The following TIAM2 variants were observed in gnomAD, a reference collection of about 807,000 sequenced individuals.
The protein encoded by TIAM2 is rho guanine nucleotide exchange factor TIAM2.
In TIAM2, 80 loss-of-function variants were observed where a neutral mutation model predicts 152.9. The ratio of observed to expected loss-of-function variants is 0.52; its 90% CI spans 0.44 to 0.63. The LOEUF (loss-of-function observed/expected upper bound fraction) is 0.63. Ranked by LOEUF, TIAM2 falls within the 30% of genes least tolerant of loss-of-function variation. TIAM2 has a pLI of 0.00. For synonymous variants in TIAM2, 804 were observed against 838.0 expected, an observed-to-expected ratio of 0.96 and a Z score of 0.70; for missense variants, 1,965 against 2,120.1, an observed-to-expected ratio of 0.93 and a Z score of 1.44.
intron 5 of TIAM2, among the ~76,000 whole-genome samples, chr6:155,138,869 A>T (rs1342873017): frequency 6.6e-6 from 1 of 152,160 alleles, no homozygotes; most frequent in Non-Finnish European, 1.5e-5. Flanking sequence ...TTTAAACATA[A>T]AGGCAATAGA....
intron 2 of TIAM2, among the ~76,000 whole-genome samples, chr6:155,110,599 G>T (rs1212543280): frequency 1.3e-5 from 2 of 152,048 alleles, no homozygotes; most frequent in Non-Finnish European, 2.9e-5. Flanking sequence ...TCTCTTCCTG[G>T]TTCAGTCTTA....
rs116268446 is a variant in TIAM2, at chr6:155,256,583, T to A, written c.4568T>A (p.Leu1523Ter). Residue 1523 changes from leucine to a stop codon, truncating the protein, a stop_gained, in exon 27 of 27, where the codon TTG (leucine) becomes TAG (stop). Transcript: ENST00000682666. LOFTEE classifies it low-confidence loss of function (END_TRUNC). ...TTGCTGGACTCTGACGAGGGCAGCT[T>A]GAGCAGCGGCACCCAGAGCAGCGGC... ...GTLLDSDEGSLSSGTQSSGCP... is the reference protein window; with the variant it reads ...GTLLDSDEGS The A allele has an allele frequency of 0.01, 16,797 of 1,614,118 alleles. 302 individuals carry two copies. Among genetic ancestry groups the A allele is most frequent in the African/African-American group, 0.051 (3,833 of 75,002 alleles).
chr6:155,039,047 ACCTACCAGACTCAGGTGATCCT>A (rs539316270), intron 1 of TIAM2, among the ~76,000 whole-genome samples: 22 of 144,728 alleles, frequency 1.5e-4, no homozygotes, highest in African/African-American at 5.7e-4. Flanking sequence ...TGCAGCCTCA[ACCTACCAGACTCAGGTGATCCT>A]CCTACCTCAG....
intron 2 of TIAM2, among the ~76,000 whole-genome samples, chr6:155,093,441 A>C (rs905625917): frequency 6.6e-6 from 1 of 152,212 alleles, no homozygotes; most frequent in Non-Finnish European, 1.5e-5. Context: ...GGCTTAGCTT[A>C]GCAAGTGGTA....
chr6:155,037,063 G>T (rs1267762849), intron 1 of TIAM2, among the ~76,000 whole-genome samples: 1 of 152,170 alleles, frequency 6.6e-6, no homozygotes, highest in Non-Finnish European at 1.5e-5. Flanking sequence ...CTGTCCTGTA[G>T]TTCAAGAACA....
At chr6:155,078,621 C>G (rs1334739610) in intron 1 of TIAM2, among the ~76,000 whole-genome samples, 4 of 152,330 alleles carry the variant, frequency 2.6e-5, no homozygotes, top group Admixed American at 2.6e-4. Context: ...GGCTTTCCAG[C>G]TCTGCCCTGA....
chr6:155,253,204 C>T, intron 24 of TIAM2, 151 bp downstream of exon 24: 1 of 623,242 alleles, frequency 1.6e-6, no homozygotes, highest in Non-Finnish European at 2.8e-6. Context: ...TTTTGATGTT[C>T]CTTAGCAGAC....
At chr6:155,108,135 A>G (rs2115002388) in intron 2 of TIAM2, among the ~76,000 whole-genome samples, 1 of 152,260 alleles carries the variant, frequency 6.6e-6, no homozygotes, top group African/African-American at 2.4e-5. Context: ...AAAATTTTAT[A>G]CTTTCAGCAT....
At chr6:155,168,271 G>C (rs908371522) in intron 9 of TIAM2, among the ~76,000 whole-genome samples, 3 of 152,022 alleles carry the variant, frequency 2.0e-5, no homozygotes, top group African/African-American at 7.3e-5. Context: ...AAAAAAAGTA[G>C]GTATGAGCTT....
chr6:155,213,653 C>A lies in TIAM2; in HGVS notation c.3168+2346C>A, dbSNP rs1167442900. 6.6e-6 allele frequency among the ~76,000 whole-genome samples: 1 copy of A among 152,206 alleles called. No homozygotes were observed. Among genetic ancestry groups the A allele is most frequent in the East Asian group, 1.9e-4 (1 of 5,178 alleles). ...GTGGGGCTTTTCTGGGGACCCACTCCTTTCCACCCAGGAGCCTGTCTGCGT... is the reference window on the plus strand; with the variant it reads ...GTGGGGCTTTTCTGGGGACCCACTCATTTCCACCCAGGAGCCTGTCTGCGT... On this transcript the variant is annotated intron_variant, in intron 15 of 26. Transcript: ENST00000682666. The surrounding 1 kb of genome is among the most constrained non-coding windows in gnomAD (Gnocchi z 4.2).
chr6:155,065,058 G>T (rs1777661500), intron 1 of TIAM2, among the ~76,000 whole-genome samples: 1 of 152,070 alleles, frequency 6.6e-6, no homozygotes, highest in South Asian at 2.1e-4. Context: ...CGGTTTCAAG[G>T]TTCTCCTGCC....
rs1390405325 is a variant in TIAM2, at chr6:155,253,059, T to C, written c.4225+6T>C. The C allele has an allele frequency of 1.9e-6, 3 of 1,611,802 alleles. No homozygotes were observed. The highest frequency in any genetic ancestry group is 1.7e-4 in the Middle Eastern group (1 of 6,058). ...CAGACTGGGGAATCCAGCAGGTAAC[T>C]GTTTCGTGCAGTATGATGCCAGAAA... On this transcript the variant is annotated splice_donor_region_variant and intron_variant, in intron 24 of 26. Transcript: ENST00000682666.
In TIAM2 at chr6:155,029,687, CTATA is replaced by C. The variant is rs1480274118; in HGVS notation, c.-209+34200_-209+34203del. On this transcript the variant is annotated intron_variant, in intron 1 of 26. Transcript: ENST00000682666. ...TATAACTATATACAGAGTTATATAA[CTATA>C]TATAGAGATATATAACTATATACAG... 2.3e-5 allele frequency among the ~76,000 whole-genome samples: 3 copies of C among 128,324 alleles called. No homozygotes were observed. The Admixed American group carries it at 2.7e-4, about 11-fold the overall frequency. 84.2% of individuals were successfully genotyped at this position (128,324 alleles called of 152,430 possible).
At chr6:155,139,638 C>G (rs1011336379) in intron 5 of TIAM2, among the ~76,000 whole-genome samples, 4 of 152,126 alleles carry the variant, frequency 2.6e-5, no homozygotes. Context: ...GGAAATGTGG[C>G]TGCAAACTAT....
rs1355937044 is a variant in TIAM2 at position 155,104,495 on chromosome 6, C to T, written c.-118+14116C>T. 2.0e-5 allele frequency among the ~76,000 whole-genome samples: 3 copies of T among 152,138 alleles called. No individual in the cohort carries two copies. The East Asian group carries it at 5.8e-4, about 29-fold the overall frequency. On this transcript the variant is annotated intron_variant, in intron 2 of 26. Transcript: ENST00000682666. ...AAAGCATGGCCGGCACGGTGGGTCA[C>T]ACCTGTCATCCCAGCACTTTGGGAG... is the stretch of plus-strand genomic sequence containing the variant.
At position 155,137,404 on chromosome 6, in the gene TIAM2, G is replaced by A. The variant is rs781462190; in HGVS notation, c.1422G>A (p.Glu474=). 6.2e-7 allele frequency: 1 copy of A among 1,614,216 alleles called. No individual in the cohort carries two copies. The highest frequency in any genetic ancestry group is 8.5e-7 in the Non-Finnish European group (1 of 1,180,034). ...RELEMSRTNT[E]NIETSTETAE... is the part of the protein sequence containing the mutation. ...TGGAAATGAGCAGGACCAACACTGAGAACATAGAAACATCTACAGAAACCG... is the reference window on the plus strand; with the variant it reads ...TGGAAATGAGCAGGACCAACACTGAAAACATAGAAACATCTACAGAAACCG... Residue 474 remains glutamate, a synonymous_variant, in exon 5 of 27, where the codon GAG becomes GAA. Transcript: ENST00000682666.
intron 1 of TIAM2, among the ~76,000 whole-genome samples, chr6:155,060,965 C>G (rs1777566903): frequency 6.6e-6 from 1 of 150,682 alleles, no homozygotes; most frequent in Non-Finnish European, 1.5e-5. Context: ...CTTTTAGTGT[C>G]CTGGTACTAC....
At chr6:155,014,725 A>G (rs1380857051) in intron 1 of TIAM2, among the ~76,000 whole-genome samples, 1 of 152,074 alleles carries the variant, frequency 6.6e-6, no homozygotes, top group Non-Finnish European at 1.5e-5. Context: ...CCTGCCAAAT[A>G]TTTTTCCTTT....
At chr6:155,050,683 A>G (rs1050693962) in intron 1 of TIAM2, among the ~76,000 whole-genome samples, 2 of 150,500 alleles carry the variant, frequency 1.3e-5, no homozygotes, top group African/African-American at 5.0e-5. Flanking sequence ...TTGGCCAGAG[A>G]TCCTCAAACA....
Sources: gnomAD v4.1 joint callset for allele counts (sites outside exome capture counted in the v4.1 genomes callset) on GRCh38, gnomAD v4.1.1 for gene constraint, Gnocchi (gnomAD v3.1) non-coding constraint, MANE v1.5 for transcripts, NCBI Gene and HGNC (gene_info 2026-07-23, HGNC 2026-07-21) for gene names.